THSD4: variants seen among roughly 807,000 people sequenced by gnomAD.
THSD4 encodes thrombospondin type-1 domain-containing protein 4.
Under a neutral mutation model 119.0 loss-of-function variants are expected in THSD4, and 69 were observed. The ratio of observed to expected loss-of-function variants is 0.58; its 90% CI spans 0.48 to 0.71. The LOEUF (loss-of-function observed/expected upper bound fraction) is 0.71, where lower values mean the gene tolerates loss of function less well. Ranked by LOEUF, THSD4 falls within the 30% of genes least tolerant of loss-of-function variation. The pLI is 0.00. For missense variants in THSD4, 1,393 were observed against 1,391.1 expected (o/e 1.00, Z -0.02); for synonymous variants, 524 against 540.4 (o/e 0.97, Z 0.42).
chr15:71,164,614 G>A (rs1247804547), intron 3 of THSD4, among the ~76,000 whole-genome samples: 1 of 151,732 alleles, frequency 6.6e-6, no homozygotes, highest in Non-Finnish European at 1.5e-5. Flanking sequence ...AGACACATTC[G>A]GTAGTGTGTT....
At chr15:71,303,099 C>T (rs1203695514) in intron 6 of THSD4, among the ~76,000 whole-genome samples, 9 of 152,124 alleles carry the variant, frequency 5.9e-5, no homozygotes, top group Non-Finnish European at 2.9e-5. Context: ...CTTTCCTACC[C>T]AGGAGGATAA....
At chr15:71,764,162 C>G (rs909463519) in intron 15 of THSD4, among the ~76,000 whole-genome samples, 10 of 152,174 alleles carry the variant, frequency 6.6e-5, no homozygotes, top group African/African-American at 2.4e-4. Context: ...GAGAGGACCA[C>G]TTGAGCTCAG....
intron 7 of THSD4, among the ~76,000 whole-genome samples, chr15:71,588,195 A>T (rs1214392003): frequency 6.6e-6 from 1 of 150,692 alleles, no homozygotes; most frequent in Non-Finnish European, 1.5e-5. Flanking sequence ...AGTCCCAGCT[A>T]CTCGGGAGGC....
intron 7 of THSD4, among the ~76,000 whole-genome samples, chr15:71,552,030 A>G (rs1356305488): frequency 6.7e-6 from 1 of 148,488 alleles, no homozygotes; most frequent in Non-Finnish European, 1.5e-5. Flanking sequence ...TCTGATGGAT[A>G]AGTAAGCACT....
At chr15:71,559,098 G>A (rs544823240) in intron 7 of THSD4, among the ~76,000 whole-genome samples, 96 of 152,264 alleles carry the variant, frequency 6.3e-4, no homozygotes, top group Non-Finnish European at 1.3e-3. Flanking sequence ...AGATTAGGTT[G>A]TTCAAGTCTT....
In THSD4 at chr15:71,496,879, C is replaced by T. The variant is rs376332974; in HGVS notation, c.1152+85056C>T. ...TGGAAAGAAGGTAGCAGCCATGCCA[C>T]AGGGTTGGTAGCAGCTAAAAATGAG... On this transcript the variant is annotated intron_variant, in intron 7 of 17. Transcript: ENST00000261862. Among the ~76,000 whole-genome samples, 16 of 152,278 alleles carry T rather than the reference C, an allele frequency of 1.1e-4. No individual in the cohort carries two copies. In the East Asian group the frequency reaches 2.3e-3, roughly 22 times the overall value.
intron 6 of THSD4, among the ~76,000 whole-genome samples, chr15:71,375,950 CTG>C (rs935142230): frequency 3.3e-5 from 5 of 152,162 alleles, no homozygotes; most frequent in Admixed American, 6.5e-5. Flanking sequence ...TACTATGACT[CTG>C]TATTATTTAT....
At chr15:71,715,630 A>G (rs2052592036) in intron 8 of THSD4, among the ~76,000 whole-genome samples, 1 of 152,110 alleles carries the variant, frequency 6.6e-6, no homozygotes, top group South Asian at 2.1e-4. Flanking sequence ...AATCAAAGAA[A>G]GAACTATCCT....
rs144773956 is a variant in THSD4, at chr15:71,335,930, G to T, written c.1016-75757G>T. Among the ~76,000 whole-genome samples the T allele has an allele frequency of 6.8e-3, 1,032 of 152,290 alleles. 11 individuals carry two copies. Among genetic ancestry groups the T allele is most frequent in the African/African-American group, 0.023 (938 of 41,558 alleles). On this transcript the variant is annotated intron_variant, in intron 6 of 17. Transcript: ENST00000261862. The stretch of plus-strand genomic sequence containing the variant: ...TCATCCTTCTTGGAGAAGGGCATGG[G>T]GGTGGGTTGTCGGGGAATGATGTGG...
intron 7 of THSD4, among the ~76,000 whole-genome samples, chr15:71,596,779 G>A (rs1456698204): frequency 1.3e-5 from 2 of 152,208 alleles, no homozygotes; most frequent in Admixed American, 1.3e-4. Flanking sequence ...GGGGAGCGCA[G>A]CTCTGTTTTG....
In THSD4 at chr15:71,164,671, C is replaced by G. The variant is rs144963862; in HGVS notation, c.99+9739C>G. On this transcript the variant is annotated intron_variant, in intron 3 of 17. Transcript: ENST00000261862. Reference sequence around the variant, plus strand: ...GTACAGTTTAAAAACAAATCTTACACAGCCTTACATTTCAGTTTTTTTCTT... The same window carrying G: ...GTACAGTTTAAAAACAAATCTTACAGAGCCTTACATTTCAGTTTTTTTCTT... 1,042 of 1,517,210 alleles carry G rather than the reference C, an allele frequency of 6.9e-4. 8 individuals are homozygous for G. The African/African-American group carries it at 0.012, about 18-fold the overall frequency. The allele number at this position is 1,517,210 out of a possible 1,614,324, so 94.0% of individuals were successfully genotyped here. A position where few individuals can be genotyped will look rare whatever the true frequency, so the allele number is the denominator to read the frequency against.
chr15:71,263,331 G>GTATATATA (rs60448462), intron 6 of THSD4, among the ~76,000 whole-genome samples: 34,569 of 138,558 alleles, frequency 0.25, 4,983 homozygotes, highest in South Asian at 0.33. Context: ...GTATTCCATG[G>GTATATATA]TATATATATA....
intron 10 of THSD4, among the ~76,000 whole-genome samples, chr15:71,734,906 C>T (rs1476187006): frequency 6.6e-6 from 1 of 151,934 alleles, no homozygotes; most frequent in Non-Finnish European, 1.5e-5. Context: ...TTTTGCCTAG[C>T]CCTTTTCTAT....
At chr15:71,534,107 C>G (rs1331946258) in intron 7 of THSD4, among the ~76,000 whole-genome samples, 1 of 152,190 alleles carries the variant, frequency 6.6e-6, no homozygotes, top group Non-Finnish European at 1.5e-5. Context: ...ACACAACACA[C>G]TTGGCTAGCT....
chr15:71,127,538 G>A (rs1315540700), intron 1 of THSD4, among the ~76,000 whole-genome samples: 2 of 152,126 alleles, frequency 1.3e-5, no homozygotes, highest in East Asian at 1.9e-4. Context: ...CCAATAGTAT[G>A]CAAGATTTTC....
chr15:71,435,707 G>A (rs1216430143), intron 7 of THSD4, among the ~76,000 whole-genome samples: 4 of 152,200 alleles, frequency 2.6e-5, no homozygotes, highest in Non-Finnish European at 4.4e-5. Flanking sequence ...TAAGGATGGT[G>A]TAGCTGGTCT....
At chr15:71,295,136 G>A (rs755187719) in intron 6 of THSD4, among the ~76,000 whole-genome samples, 5 of 152,080 alleles carry the variant, frequency 3.3e-5, no homozygotes, top group South Asian at 2.1e-4. Context: ...TTCAGATTAG[G>A]CAGGAAGGAA....
chr15:71,277,843 T>C (rs1199107877), intron 6 of THSD4, among the ~76,000 whole-genome samples: 1 of 152,192 alleles, frequency 6.6e-6, no homozygotes, highest in Non-Finnish European at 1.5e-5. Context: ...CAGCCCTTTC[T>C]GTGCTGGGAC....
intron 7 of THSD4, among the ~76,000 whole-genome samples, chr15:71,446,682 A>G (rs547587485): frequency 3.5e-4 from 53 of 152,152 alleles, no homozygotes; most frequent in Non-Finnish European, 6.5e-4. Context: ...GATTAATGGC[A>G]GCAATTCGGT....
Sources: allele counts gnomAD v4.1 joint callset (sites outside exome capture counted in the v4.1 genomes callset), GRCh38; gene constraint gnomAD v4.1.1; transcripts MANE v1.5; gene names NCBI Gene and HGNC (gene_info 2026-07-23, HGNC 2026-07-21).